The following TPMT variants were observed in gnomAD, a reference collection of about 807,000 sequenced individuals.
The protein encoded by TPMT is S-adenosyl-L-methionine:thiopurine S-methyltransferase.
Under a neutral mutation model 34.2 loss-of-function variants are expected in TPMT, and 18 were observed. That is an observed-to-expected ratio of 0.53 (90% CI 0.36 to 0.78). The LOEUF (loss-of-function observed/expected upper bound fraction) is 0.78, where lower values mean the gene tolerates loss of function less well. Among genes scored for constraint, TPMT ranks in the 30% least tolerant of loss-of-function variants. TPMT has a pLI of 0.00. For missense variants in TPMT, 265 were observed against 288.1 expected, an observed-to-expected ratio of 0.92 and a Z score of 0.58; for synonymous variants, 69 against 92.4, an observed-to-expected ratio of 0.75 and a Z score of 1.45.
Position 18,133,637 on chromosome 6 carries a change from C to T in TPMT, c.580+167G>A, listed in dbSNP as rs541556955. ...TCATGTACAATATAGAAGAGAAAAA[C>T]ATGCTTATAGTTCCCATTAGTCAAA... On this transcript the variant is annotated intron_variant, in intron 7 of 8. Transcript: ENST00000309983. The T allele has an allele frequency of 8.1e-5, 50 of 613,808 alleles. 1 individual carries two copies. In the South Asian group the frequency reaches 8.7e-4, roughly 11 times the overall value. 38.0% of individuals were successfully genotyped at this position (613,808 alleles called of 1,614,324 possible).
intron 6 of TPMT, among the ~76,000 whole-genome samples, chr6:18,137,518 G>T (rs1231930846): frequency 6.6e-6 from 1 of 152,112 alleles, no homozygotes; most frequent in Non-Finnish European, 1.5e-5. Flanking sequence ...GCACATAAAT[G>T]ACATTATTTT....
At chr6:18,152,343 CCTT>C (rs1784367322) in intron 1 of TPMT, among the ~76,000 whole-genome samples, 1 of 151,786 alleles carries the variant, frequency 6.6e-6, no homozygotes, top group South Asian at 2.1e-4. Context: ...GTACTTTATG[CCTT>C]AAAAAAAAAT....
Position 18,148,899 on chromosome 6 carries a change from T to C in TPMT, c.140+89A>G. The C allele has an allele frequency of 6.3e-7, 1 of 1,585,588 alleles. No individual in the cohort carries two copies. The highest frequency in any genetic ancestry group is 1.7e-5 in the Admixed American group (1 of 59,856). ...AAGAATTAAATGTGCATCCTAAAAG[T>C]TAGTCAAATAATGTGTACTTTTATT... On this transcript the variant is annotated intron_variant, in intron 2 of 8. Coordinates refer to ENST00000309983, the MANE Select transcript of TPMT (RefSeq NM_000367.5). This position sits in a 1 kb window ranked among gnomAD's most constrained non-coding sequence, Gnocchi z 4.1.
rs1345288264 is a variant in TPMT at position 18,138,533 on chromosome 6, G to A, written c.494+430C>T. On this transcript the variant is annotated intron_variant, in intron 6 of 8. Transcript: ENST00000309983. This position sits in a 1 kb window ranked among gnomAD's most constrained non-coding sequence, Gnocchi z 4.1. ...TCCTCCTGCTTTGGCCTCCCACAGT[G>A]CTGGGATTACATGTATGATCCACCA... Among the ~76,000 whole-genome samples, 1 of 152,124 alleles carries A rather than the reference G, an allele frequency of 6.6e-6. No homozygotes were observed. The highest frequency in any genetic ancestry group is 1.5e-5 in the Non-Finnish European group (1 of 68,026).
At chr6:18,141,119 C>G (rs2150713929) in intron 4 of TPMT, among the ~76,000 whole-genome samples, 1 of 152,142 alleles carries the variant, frequency 6.6e-6, no homozygotes, top group Non-Finnish European at 1.5e-5. Flanking sequence ...TATAATTGGC[C>G]TGGGGTAAGA....
Position 18,139,773 on chromosome 6 carries a change from T to G in TPMT, c.367-56A>C. On this transcript the variant is annotated intron_variant, in intron 4 of 8. Transcript: ENST00000309983. The surrounding 1 kb of genome is among the most constrained non-coding windows in gnomAD (Gnocchi z 4.2). ...TTTTTTTACTTAGTAAGTACTTGAA[T>G]AGTCAAGGAAAGAGGGCCAAGCAAA... is the stretch of plus-strand genomic sequence containing the variant. 2 of 1,262,942 alleles carry G rather than the reference T, an allele frequency of 1.6e-6. No homozygotes were observed. The highest frequency in any genetic ancestry group is 1.8e-5 in the Admixed American group (1 of 54,066). The allele number at this position is 1,262,942 out of a possible 1,614,324, so 78.2% of individuals were successfully genotyped here.
rs1226458238 is a variant in TPMT, at chr6:18,139,761, T to G, written c.367-44A>C. 5.0e-6 allele frequency: 7 copies of G among 1,404,600 alleles called. No individual in the cohort carries two copies. Among genetic ancestry groups the G allele is most frequent in the Non-Finnish European group, 7.0e-6 (7 of 1,003,084 alleles). The allele number at this position is 1,404,600 out of a possible 1,614,324, so 87.0% of individuals were successfully genotyped here. A position where few individuals can be genotyped will look rare whatever the true frequency, so the allele number is the denominator to read the frequency against. The stretch of plus-strand genomic sequence containing the variant: ...AAAAAAATTTTTTTTTTTTACTTAG[T>G]AAGTACTTGAATAGTCAAGGAAAGA... On this transcript the variant is annotated intron_variant, in intron 4 of 8. Coordinates refer to ENST00000309983, the MANE Select transcript of TPMT (RefSeq NM_000367.5). The surrounding 1 kb of genome is among the most constrained non-coding windows in gnomAD (Gnocchi z 4.2).
At position 18,145,721 on chromosome 6, in the gene TPMT, G is replaced by A. The variant is rs1784236085; in HGVS notation, c.234-1993C>T. ...TAAAAATTCTCCCTACATTTTTTAA[G>A]TTATAAAATGTAAACAAAAACATTA... On this transcript the variant is annotated intron_variant, in intron 3 of 8. Transcript: ENST00000309983. The surrounding 1 kb of genome is among the most constrained non-coding windows in gnomAD (Gnocchi z 5.6). Among the ~76,000 whole-genome samples the A allele has an allele frequency of 6.6e-6, 1 of 152,130 alleles. No homozygotes were observed. Among genetic ancestry groups the A allele is most frequent in the Non-Finnish European group, 1.5e-5 (1 of 68,018 alleles).
At chr6:18,133,338 C>T (rs538615016) in intron 7 of TPMT, among the ~76,000 whole-genome samples, 1 of 152,258 alleles carries the variant, frequency 6.6e-6, no homozygotes, top group Admixed American at 6.5e-5. Flanking sequence ...TATAAAACTT[C>T]AGAAATTAAA....
chr6:18,141,581 C>T (rs1321084716), intron 4 of TPMT, among the ~76,000 whole-genome samples: 2 of 152,164 alleles, frequency 1.3e-5, no homozygotes, highest in Non-Finnish European at 2.9e-5. Context: ...CTCAAGTGAT[C>T]CACCCACCTT....
chr6:18,151,613 T>G (rs972293711), intron 1 of TPMT, among the ~76,000 whole-genome samples: 9 of 151,166 alleles, frequency 6.0e-5, no homozygotes, highest in African/African-American at 1.9e-4. Flanking sequence ...TTTATTTATT[T>G]ATTTATTTGA....
At position 18,136,889 on chromosome 6, in the gene TPMT, G is replaced by C. The variant is rs192420716; in HGVS notation, c.494+2074C>G. On this transcript the variant is annotated intron_variant, in intron 6 of 8. Coordinates refer to ENST00000309983, the MANE Select transcript of TPMT (RefSeq NM_000367.5). This position sits in a 1 kb window ranked among gnomAD's most constrained non-coding sequence, Gnocchi z 4.7. ...ACAAATATTGGCAATTTTTGGGTGAGAGCATAAGGCTGAGGATGGTGGTCC... is the reference window on the plus strand; with the variant it reads ...ACAAATATTGGCAATTTTTGGGTGACAGCATAAGGCTGAGGATGGTGGTCC... Among the ~76,000 whole-genome samples, 175 of 152,182 alleles carry C rather than the reference G, an allele frequency of 1.1e-3. 1 individual carries two copies. The highest frequency in any genetic ancestry group is 3.8e-3 in the African/African-American group (159 of 41,522).
At position 18,129,769 on chromosome 6, in the gene TPMT, T is replaced by C. The variant is rs1194856906; in HGVS notation, c.*899A>G. 6.6e-6 allele frequency: 1 copy of C among 151,182 alleles called. No individual in the cohort carries two copies. Among genetic ancestry groups the C allele is most frequent in the East Asian group, 1.9e-4 (1 of 5,204 alleles). The allele number at this position is 151,182 out of a possible 1,614,324, so 9.4% of individuals were successfully genotyped here. A position where few individuals can be genotyped will look rare whatever the true frequency, so the allele number is the denominator to read the frequency against. ...TTGGGAATGTTTGTTCCATATAGATTGTTTAATTAAAATGTATTTGTTTCT... is the reference window on the plus strand; with the variant it reads ...TTGGGAATGTTTGTTCCATATAGATCGTTTAATTAAAATGTATTTGTTTCT... On this transcript the variant is annotated 3_prime_UTR_variant, in exon 9 of 9. Transcript: ENST00000309983.
chr6:18,141,536 C>T (rs1019669032), intron 4 of TPMT, among the ~76,000 whole-genome samples: 2 of 152,068 alleles, frequency 1.3e-5, no homozygotes, highest in South Asian at 2.1e-4. Context: ...GATGGGGTTT[C>T]GCCATGTTGG....
Position 18,144,249 on chromosome 6 carries a change from C to T in TPMT, c.234-521G>A, listed in dbSNP as rs528647947. On this transcript the variant is annotated intron_variant, in intron 3 of 8. Transcript: ENST00000309983. ...CTAGTAGCTACTGTACTAAAGTGAA[C>T]AGGTCTAGAACATTAGCACTCATTT... is the stretch of plus-strand genomic sequence containing the variant. Among the ~76,000 whole-genome samples the T allele has an allele frequency of 6.5e-4, 99 of 152,312 alleles. 1 individual carries two copies. Among genetic ancestry groups the T allele is most frequent in the African/African-American group, 2.2e-3 (91 of 41,580 alleles).
At chr6:18,147,781 C>A in intron 3 of TPMT, 42 bp downstream of exon 3, 1 of 1,554,302 alleles carries the variant, frequency 6.4e-7, no homozygotes, top group Non-Finnish European at 8.9e-7. Flanking sequence ...AAGAATTCAT[C>A]ATTAAGGCAA....
chr6:18,133,394 C>T (rs1486977334), intron 7 of TPMT, among the ~76,000 whole-genome samples: 2 of 152,226 alleles, frequency 1.3e-5, no homozygotes, highest in African/African-American at 4.8e-5. Context: ...TCTGCATCCC[C>T]ATATTCACTT....
In TPMT at chr6:18,146,510, T is replaced by G. The variant is rs954506208; in HGVS notation, c.233+1313A>C. On this transcript the variant is annotated intron_variant, in intron 3 of 8. Transcript: ENST00000309983. The surrounding 1 kb of genome is among the most constrained non-coding windows in gnomAD (Gnocchi z 6.2). The stretch of plus-strand genomic sequence containing the variant: ...CTGATATTTTTTGTAATGTCTTTAT[T>G]ACAAATGGCTTTAGACCCCAAATAT... Among the ~76,000 whole-genome samples, 1 of 152,198 alleles carries G rather than the reference T, an allele frequency of 6.6e-6. No homozygotes were observed. Among genetic ancestry groups the G allele is most frequent in the Non-Finnish European group, 1.5e-5 (1 of 68,028 alleles).
At position 18,139,304 on chromosome 6, in the gene TPMT, T is replaced by C. The variant is rs1467062630; in HGVS notation, c.420-267A>G. On this transcript the variant is annotated intron_variant, in intron 5 of 8. Transcript: ENST00000309983. The surrounding 1 kb of genome is among the most constrained non-coding windows in gnomAD (Gnocchi z 4.2). ...AACAAAGGACAGTGTGCAACAACTC[T>C]GCCCCCAGCCTCTGGCTCAGGTATC... is the stretch of plus-strand genomic sequence containing the variant. Among the ~76,000 whole-genome samples, 1 of 152,192 alleles carries C rather than the reference T, an allele frequency of 6.6e-6. No individual in the cohort carries two copies. Among genetic ancestry groups the C allele is most frequent in the East Asian group, 1.9e-4 (1 of 5,198 alleles).
Sources: gnomAD v4.1 joint callset for allele counts (sites outside exome capture counted in the v4.1 genomes callset) on GRCh38, gnomAD v4.1.1 for gene constraint, Gnocchi (gnomAD v3.1) non-coding constraint, MANE v1.5 for transcripts, NCBI Gene and HGNC (gene_info 2026-07-23, HGNC 2026-07-21) for gene names.